Variants in KYAT1 observed in about 807,000 individuals in gnomAD.
KYAT1 encodes kynurenine--oxoglutarate transaminase 1.
A neutral mutation model predicts 52.4 loss-of-function variants in KYAT1; 47 were observed. The ratio of observed to expected loss-of-function variants is 0.90; its 90% confidence interval spans 0.71 to 1.14. KYAT1 has a LOEUF of 1.14. KYAT1 is among the 50% of genes most tolerant of loss of function. The probability of loss-of-function intolerance (pLI) is 0.00; values close to 1 mark genes in which losing one functional copy is unlikely to be tolerated. For synonymous variants in KYAT1, 212 were observed against 209.6 expected (o/e 1.01, Z -0.10); for missense variants, 480 against 557.9 (o/e 0.86, Z 1.41).
intron 1 of KYAT1, chr9:128,847,331 C>CTGAAAGAGAAGGCTCAT: frequency 1.4e-6 from 1 of 738,188 alleles, no homozygotes; most frequent in Non-Finnish European, 2.2e-6. Flanking sequence ...AGAGGGCTCC[C>CTGAAAGAGAAGGCTCAT]TGAAAGAGAA....
At chr9:128,834,186 GGT>G (rs1238446938) in intron 11 of KYAT1, among the ~76,000 whole-genome samples, 2 of 152,086 alleles carry the variant, frequency 1.3e-5, no homozygotes, top group African/African-American at 4.8e-5. Flanking sequence ...TGAACCCGGG[GGT>G]GGAGGTTGCA....
rs377314110 is a variant in KYAT1, at chr9:128,833,607, G to A, written c.1246C>T (p.Arg416Trp). 1.6e-5 allele frequency: 26 copies of A among 1,614,066 alleles called. No homozygotes were observed. The highest frequency in any genetic ancestry group is 1.2e-4 in the South Asian group (11 of 91,092). The part of the protein sequence containing the change: ...ATLQAMDEKL[R>W]KWKVEL ...GGCTAGAGTTCCACCTTCCACTTCC[G>A]CAGCTTCTCGTCCATGGCCTGGAGC... The change falls in exon 13 of 13, where the codon CGG becomes TGG. Residue 416 changes from arginine to tryptophan, a missense_variant. Coordinates refer to ENST00000302586, the MANE Select transcript of KYAT1 (RefSeq NM_004059.5).
chr9:128,836,500 T>C (rs1177023608), intron 7 of KYAT1, among the ~76,000 whole-genome samples: 2 of 152,092 alleles, frequency 1.3e-5, no homozygotes. Flanking sequence ...GGTTTCACCA[T>C]GTTGGCCAGG....
At chr9:128,839,338 T>C (rs1831714430) in intron 3 of KYAT1, among the ~76,000 whole-genome samples, 1 of 152,128 alleles carries the variant, frequency 6.6e-6, no homozygotes, top group Non-Finnish European at 1.5e-5. Context: ...TCACACACAG[T>C]TGACAGTCAG....
chr9:128,847,543 T>TG (rs773692170), intron 1 of KYAT1: 59 of 1,527,994 alleles, frequency 3.9e-5, no homozygotes, highest in Non-Finnish European at 5.0e-5. Context: ...CCCAGAGCCT[T>TG]GGGGCACTGC....
chr9:128,862,229 C>T (rs1045463430), intron 1 of KYAT1, among the ~76,000 whole-genome samples: 1 of 152,198 alleles, frequency 6.6e-6, no homozygotes, highest in Non-Finnish European at 1.5e-5. Flanking sequence ...TCTCAAACTC[C>T]TGGGCTCAAG....
chr9:128,857,520 A>G (rs1207525353), intron 1 of KYAT1, among the ~76,000 whole-genome samples: 2 of 152,238 alleles, frequency 1.3e-5, no homozygotes, highest in Non-Finnish European at 2.9e-5. Context: ...ATACACAAAA[A>G]TTAATTCAAA....
In KYAT1 at chr9:128,858,395, T is replaced by TTAAAAAAAAAAAAAAAAAAA; in HGVS notation, c.-6-12985_-6-12984insTTTTTTTTTTTTTTTTTTTA. On this transcript the variant is annotated intron_variant, in intron 1 of 12. Coordinates refer to ENST00000302586, the MANE Select transcript of KYAT1 (RefSeq NM_004059.5). ...CTGGGCAACAGAGTGAGACCATGTA[T>TTAAAAAAAAAAAAAAAAAAA]AAAAAAAAAAAAAAAAAAAAGCCCG... Among the ~76,000 whole-genome samples, 2 of 65,102 alleles carry TTAAAAAAAAAAAAAAAAAAA rather than the reference T, an allele frequency of 3.1e-5. 1 individual carries two copies. Among genetic ancestry groups the TTAAAAAAAAAAAAAAAAAAA allele is most frequent in the Non-Finnish European group, 4.9e-5 (2 of 41,054 alleles). 42.7% of individuals were successfully genotyped at this position (65,102 alleles called of 152,430 possible).
In KYAT1 at chr9:128,838,385, G is replaced by T; in HGVS notation, c.202-18C>A. On this transcript the variant is annotated intron_variant, in intron 3 of 12. Coordinates refer to ENST00000302586, the MANE Select transcript of KYAT1 (RefSeq NM_004059.5). ...GGGTAACCCTGCCAGGACAGCAGGG[G>T]TTAACTGTCCAGCTCAGCCTGGGCC... The T allele has an allele frequency of 6.2e-7, 1 of 1,613,866 alleles. No homozygotes were observed. Among genetic ancestry groups the T allele is most frequent in the Non-Finnish European group, 8.5e-7 (1 of 1,179,936 alleles).
intron 5 of KYAT1, 89 bp downstream of exon 5, chr9:128,837,962 C>A: frequency 6.6e-7 from 1 of 1,521,106 alleles, no homozygotes; most frequent in Non-Finnish European, 9.1e-7. Flanking sequence ...GCTTCCTTCA[C>A]TTCTTTCCTC....
intron 1 of KYAT1, among the ~76,000 whole-genome samples, chr9:128,873,728 G>A (rs776469349): frequency 2.7e-5 from 4 of 149,744 alleles, no homozygotes; most frequent in Non-Finnish European, 4.5e-5. Flanking sequence ...TGCAGTGAGC[G>A]GCACTGCACT....
intron 1 of KYAT1, among the ~76,000 whole-genome samples, chr9:128,865,045 A>T (rs954897726): frequency 6.6e-6 from 1 of 150,880 alleles, no homozygotes; most frequent in African/African-American, 2.4e-5. Flanking sequence ...TGGGCAACGT[A>T]GTGAGACTCA....
intron 2 of KYAT1, among the ~76,000 whole-genome samples, chr9:128,844,270 C>T (rs544492837): frequency 7.9e-5 from 12 of 152,226 alleles, no homozygotes; most frequent in African/African-American, 2.6e-4. Context: ...TGGCTGGGCC[C>T]GGTGGCTTAT....
intron 1 of KYAT1, among the ~76,000 whole-genome samples, chr9:128,880,481 G>T (rs1460768797): frequency 1.3e-5 from 2 of 149,386 alleles, no homozygotes; most frequent in African/African-American, 4.9e-5. Flanking sequence ...TTGCTCTGTT[G>T]CCCAGGCTGA....
intron 6 of KYAT1, among the ~76,000 whole-genome samples, chr9:128,837,286 T>A (rs1230917616): frequency 6.6e-6 from 1 of 152,126 alleles, no homozygotes; most frequent in East Asian, 1.9e-4. Flanking sequence ...AGAGCGAGAC[T>A]CCGTCTCAAA....
intron 1 of KYAT1, among the ~76,000 whole-genome samples, chr9:128,855,652 T>C (rs76863250): frequency 6.6e-6 from 1 of 152,264 alleles, no homozygotes; most frequent in African/African-American, 2.4e-5. Context: ...ATTCAACTTT[T>C]GATTGGCAGC....
chr9:128,833,704 C>G (rs778399939), intron 12 of KYAT1, 36 bp downstream of exon 12: 20 of 1,613,810 alleles, frequency 1.2e-5, no homozygotes, highest in Non-Finnish European at 1.6e-5. Flanking sequence ...TTGGGAAGCT[C>G]TGTGAGGTCT....
At chr9:128,843,624 C>T (rs1339797107) in intron 2 of KYAT1, among the ~76,000 whole-genome samples, 5 of 152,206 alleles carry the variant, frequency 3.3e-5, no homozygotes, top group African/African-American at 1.2e-4. Flanking sequence ...GGTGATCCAC[C>T]GCCCCCCTTG....
chr9:128,841,292 C>T (rs1348160149), intron 3 of KYAT1, among the ~76,000 whole-genome samples: 2 of 152,090 alleles, frequency 1.3e-5, no homozygotes, highest in South Asian at 2.1e-4. Flanking sequence ...ATCACGAGGT[C>T]GGGAGTTTGA....
Sources: gnomAD v4.1 joint callset for allele counts (sites outside exome capture counted in the v4.1 genomes callset) on GRCh38, gnomAD v4.1.1 for gene constraint, MANE v1.5 for transcripts, NCBI Gene and HGNC (gene_info 2026-07-23, HGNC 2026-07-21) for gene names.